The following CRIM1 variants were observed in gnomAD, a reference collection of about 807,000 sequenced individuals.
CRIM1 encodes cysteine rich transmembrane BMP regulator 1, also known as cysteine-rich motor neuron 1 protein.
A neutral mutation model predicts 116.4 loss-of-function variants in CRIM1; 32 were observed. That is an observed-to-expected ratio of 0.27 (90% CI 0.21 to 0.37). The LOEUF (loss-of-function observed/expected upper bound fraction) is 0.37. CRIM1 is among the 10% of genes least tolerant of loss of function. The pLI, the probability that CRIM1 is intolerant of heterozygous loss-of-function variation, is 1.00. For missense variants in CRIM1, 1,331 were observed against 1,354.8 expected (o/e 0.98, Z 0.28); for synonymous variants, 590 against 509.2 (o/e 1.16, Z -2.13).
intron 1 of CRIM1, among the ~76,000 whole-genome samples, chr2:36,394,251 G>T (rs933130478): frequency 6.6e-5 from 10 of 152,300 alleles, no homozygotes; most frequent in African/African-American, 2.4e-4. Flanking sequence ...AATGTTACTT[G>T]AATTTCTTAC....
Position 36,547,146 on chromosome 2 carries a change from T to C in CRIM1, c.2909T>C (p.Leu970Pro), listed in dbSNP as rs1407650924. Reference protein sequence around the residue: ...INQKKQWIPLLCWYRTPTKPS... With the variant: ...INQKKQWIPLPCWYRTPTKPS... ...CAGAAGAAACAGTGGATACCACTGCTTTGCTGGTATCGAACACCAACTAAG... is the reference window on the plus strand; with the variant it reads ...CAGAAGAAACAGTGGATACCACTGCCTTGCTGGTATCGAACACCAACTAAG... Residue 970 changes from leucine (L) to proline (P), a missense_variant, in exon 16 of 17, where the codon CTT becomes CCT. Coordinates refer to ENST00000280527, the MANE Select transcript of CRIM1 (RefSeq NM_016441.3). The C allele has an allele frequency of 5.0e-6, 8 of 1,612,498 alleles. No homozygotes were observed. Among genetic ancestry groups the C allele is most frequent in the African/African-American group, 1.3e-5 (1 of 74,822 alleles).
At chr2:36,495,522 A>G (rs1161066888) in intron 7 of CRIM1, among the ~76,000 whole-genome samples, 5 of 145,032 alleles carry the variant, frequency 3.4e-5, no homozygotes, top group Non-Finnish European at 7.5e-5. Context: ...ATACTGAGAT[A>G]CTATGATTCT....
intron 13 of CRIM1, among the ~76,000 whole-genome samples, chr2:36,526,788 C>G (rs951527605): frequency 6.6e-6 from 1 of 152,150 alleles, no homozygotes; most frequent in African/African-American, 2.4e-5. Flanking sequence ...AGAAAAAGTA[C>G]TACTTTGATC....
chr2:36,465,344 A>AG (rs1288453977), intron 5 of CRIM1, among the ~76,000 whole-genome samples: 2 of 152,226 alleles, frequency 1.3e-5, no homozygotes, highest in African/African-American at 4.8e-5. Context: ...GGAACCTGCA[A>AG]CATGCTTCTC....
chr2:36,462,371 T>G (rs74967936), intron 4 of CRIM1, among the ~76,000 whole-genome samples: 10,348 of 152,288 alleles, frequency 0.068, 827 homozygotes, highest in African/African-American at 0.19. Context: ...AATTGTAAAT[T>G]TTTTAAACAA....
chr2:36,472,833 G>C (rs1238219232), intron 5 of CRIM1, among the ~76,000 whole-genome samples: 1 of 152,138 alleles, frequency 6.6e-6, no homozygotes, highest in Non-Finnish European at 1.5e-5. Context: ...GGAACTTATA[G>C]TGTAGCTGCA....
intron 1 of CRIM1, among the ~76,000 whole-genome samples, chr2:36,375,441 G>A (rs747112294): frequency 2.0e-5 from 3 of 152,060 alleles, no homozygotes; most frequent in Non-Finnish European, 2.9e-5. Flanking sequence ...ATACAAATCC[G>A]CAAAGCAAAT....
intron 6 of CRIM1, 143 bp from the exon 7 acceptor site, chr2:36,479,354 T>C (rs773260189): frequency 9.5e-5 from 70 of 737,918 alleles, no homozygotes; most frequent in Non-Finnish European, 1.6e-5. Context: ...CAGAGACTCC[T>C]CATGCAACCC....
intron 1 of CRIM1, among the ~76,000 whole-genome samples, chr2:36,357,741 T>C (rs1668949489): frequency 6.6e-6 from 1 of 152,148 alleles, no homozygotes; most frequent in African/African-American, 2.4e-5. Context: ...CGCAGCAGCC[T>C]CGTTTCTGGG....
intron 15 of CRIM1, among the ~76,000 whole-genome samples, chr2:36,544,956 C>G (rs1309469245): frequency 6.6e-6 from 1 of 152,106 alleles, no homozygotes; most frequent in East Asian, 1.9e-4. Flanking sequence ...AACTTATCAC[C>G]TATGTTGATT....
chr2:36,496,987 C>A (rs1455498851), intron 7 of CRIM1, among the ~76,000 whole-genome samples: 1 of 152,182 alleles, frequency 6.6e-6, no homozygotes, highest in Non-Finnish European at 1.5e-5. Context: ...ACGATGGATT[C>A]TCTAAGCAAA....
intron 1 of CRIM1, among the ~76,000 whole-genome samples, chr2:36,359,035 T>A (rs1669045993): frequency 6.6e-6 from 1 of 152,206 alleles, no homozygotes; most frequent in East Asian, 1.9e-4. Flanking sequence ...AGGTATTGAT[T>A]ATCTCTTGTT....
intron 7 of CRIM1, among the ~76,000 whole-genome samples, chr2:36,494,246 T>C (rs1487388197): frequency 6.6e-6 from 1 of 152,214 alleles, no homozygotes; most frequent in Admixed American, 6.5e-5. Context: ...ATAAAATTGC[T>C]CCTAGGAAAT....
intron 1 of CRIM1, among the ~76,000 whole-genome samples, chr2:36,382,625 C>G (rs1670867928): frequency 6.6e-6 from 1 of 152,240 alleles, no homozygotes; most frequent in Non-Finnish European, 1.5e-5. Flanking sequence ...TGCAGCATCC[C>G]TTTCCTCCAC....
intron 3 of CRIM1, among the ~76,000 whole-genome samples, 164 bp from the exon 4 acceptor site, chr2:36,442,451 A>G (rs1675920622): frequency 1.3e-5 from 2 of 152,152 alleles, no homozygotes; most frequent in Non-Finnish European, 2.9e-5. Flanking sequence ...TTTGAGGAAT[A>G]TTGCAGTTCT....
In CRIM1 at chr2:36,426,285, G is replaced by A. The variant is rs148445388; in HGVS notation, c.506-14973G>A. On this transcript the variant is annotated intron_variant, in intron 2 of 16. Coordinates refer to ENST00000280527, the MANE Select transcript of CRIM1 (RefSeq NM_016441.3). ...TTTCTGGGACAATTATGATCCATCC[G>A]TTTTTTATAGGAGGCCCAGTAATGA... Among the ~76,000 whole-genome samples the A allele has an allele frequency of 2.5e-4, 38 of 152,174 alleles. No individual in the cohort carries two copies. In the East Asian group the frequency reaches 4.5e-3, roughly 18 times the overall value.
At chr2:36,545,109 T>C (rs1010084639) in intron 15 of CRIM1, among the ~76,000 whole-genome samples, 17 of 152,232 alleles carry the variant, frequency 1.1e-4, no homozygotes, top group Non-Finnish European at 2.1e-4. Flanking sequence ...ATCAGTAGTA[T>C]AAACTTGCTC....
intron 11 of CRIM1, among the ~76,000 whole-genome samples, chr2:36,515,994 C>T (rs1572907933): frequency 6.6e-6 from 1 of 152,328 alleles, no homozygotes; most frequent in East Asian, 1.9e-4. Flanking sequence ...TGTTCTTATA[C>T]TGGAAAGTTG....
At chr2:36,526,359 T>C (rs1345849480) in intron 13 of CRIM1, among the ~76,000 whole-genome samples, 1 of 152,208 alleles carries the variant, frequency 6.6e-6, no homozygotes, top group African/African-American at 2.4e-5. Flanking sequence ...AGATTTCATA[T>C]GTGGTTCCTT....
Sources: allele counts gnomAD v4.1 joint callset (sites outside exome capture counted in the v4.1 genomes callset), GRCh38; gene constraint gnomAD v4.1.1; transcripts MANE v1.5; gene names NCBI Gene and HGNC (gene_info 2026-07-23, HGNC 2026-07-21).